KALRN: variants seen among roughly 807,000 people sequenced by gnomAD.
KALRN encodes the protein kalirin.
KALRN carries 70 observed loss-of-function variants against 353.7 expected under a neutral mutation model. That is an observed-to-expected ratio of 0.20 (90% CI 0.16 to 0.24). KALRN has a LOEUF of 0.24. KALRN is among the 10% of genes least tolerant of loss of function. The pLI is 1.00. For synonymous variants in KALRN, 1,391 were observed against 1,434.8 expected, an observed-to-expected ratio of 0.97 and a Z score of 0.69; for missense variants, 2,791 against 3,756.7, an observed-to-expected ratio of 0.74 and a Z score of 6.72.
chr3:124,576,611 A>G (rs1026913946), intron 34 of KALRN, among the ~76,000 whole-genome samples: 2 of 152,156 alleles, frequency 1.3e-5, no homozygotes, highest in Non-Finnish European at 2.9e-5. Flanking sequence ...TCCACATTCC[A>G]TTATTGGCAG....
At chr3:124,324,513 C>G (rs1201558373) in intron 6 of KALRN, among the ~76,000 whole-genome samples, 1 of 152,110 alleles carries the variant, frequency 6.6e-6, no homozygotes, top group Non-Finnish European at 1.5e-5. Context: ...TTTCCCATAA[C>G]AAGAATCAGT....
chr3:124,537,905 C>T (rs1164934620), intron 33 of KALRN, among the ~76,000 whole-genome samples: 1 of 152,118 alleles, frequency 6.6e-6, no homozygotes, highest in African/African-American at 2.4e-5. Flanking sequence ...GTGAGCAAAT[C>T]TTCTGTTCAT....
chr3:124,373,411 G>A (rs1325646717), intron 10 of KALRN, among the ~76,000 whole-genome samples: 1 of 152,218 alleles, frequency 6.6e-6, no homozygotes, highest in Non-Finnish European at 1.5e-5. Context: ...ATTCTACAGT[G>A]CACAGGACAG....
intron 10 of KALRN, among the ~76,000 whole-genome samples, chr3:124,366,440 A>G (rs2084704309): frequency 6.7e-6 from 1 of 149,808 alleles, no homozygotes; most frequent in South Asian, 2.2e-4. Context: ...CATCTGTTTA[A>G]CAAAGCACAT....
intron 2 of KALRN, among the ~76,000 whole-genome samples, chr3:124,233,737 T>A (rs2079438976): frequency 1.3e-5 from 2 of 152,156 alleles, no homozygotes; most frequent in Non-Finnish European, 1.5e-5. Context: ...GATCCTTGTT[T>A]TCCAGTATTG....
At chr3:124,389,464 T>A (rs2088981155) in intron 11 of KALRN, among the ~76,000 whole-genome samples, 2 of 152,222 alleles carry the variant, frequency 1.3e-5, no homozygotes, top group Non-Finnish European at 2.9e-5. Context: ...AATTCAAGTC[T>A]GCTTAATCCT....
At chr3:124,558,110 T>C (rs1378264255) in intron 33 of KALRN, among the ~76,000 whole-genome samples, 2 of 152,028 alleles carry the variant, frequency 1.3e-5, no homozygotes, top group Non-Finnish European at 2.9e-5. Context: ...AGGGCAAAAC[T>C]CCATGAAGAT....
chr3:124,668,326 G>A (rs768341021), intron 47 of KALRN, among the ~76,000 whole-genome samples: 3 of 152,190 alleles, frequency 2.0e-5, no homozygotes, highest in African/African-American at 7.2e-5. Flanking sequence ...AAAGATAAAA[G>A]GTGCCATACG....
At chr3:124,512,762 T>C (rs2108857337) in intron 33 of KALRN, among the ~76,000 whole-genome samples, 1 of 152,326 alleles carries the variant, frequency 6.6e-6, no homozygotes, top group African/African-American at 2.4e-5. Context: ...CATACATACG[T>C]ATGTGCATGT....
At position 124,633,897 on chromosome 3, in the gene KALRN, A is replaced by T. The variant is rs1482338156; in HGVS notation, c.5512A>T (p.Thr1838Ser). 1.9e-6 allele frequency: 3 copies of T among 1,614,032 alleles called. No homozygotes were observed. The South Asian group carries it at 3.3e-5, about 18-fold the overall frequency. ...GEDEPDEESH[T>S]PLPPPMKIFD... ...AGATGAGCCGGATGAAGAGTCACAC[A>T]CACCCCTCCCACCACCTATGAAGAT... The change falls in exon 36 of 60, where the codon ACA (threonine) becomes TCA (serine). Residue 1838 changes from threonine to serine, a missense_variant. Thr to Ser is a moderately conservative substitution (Grantham distance 58). This residue lies in a region of KALRN where 1,065 missense variants were observed against 1,156.4 expected (regional missense o/e 0.92). Transcript: ENST00000682506.
intron 33 of KALRN, among the ~76,000 whole-genome samples, chr3:124,496,790 A>C (rs2063901414): frequency 6.6e-6 from 1 of 152,056 alleles, no homozygotes; most frequent in South Asian, 2.1e-4. Context: ...GTGTCCTGAG[A>C]CCTTAGTGGC....
At chr3:124,672,504 C>T (rs1353602497) in intron 48 of KALRN, among the ~76,000 whole-genome samples, 1 of 152,170 alleles carries the variant, frequency 6.6e-6, no homozygotes, top group Non-Finnish European at 1.5e-5. Context: ...TGATCTGCCT[C>T]GAGCACCTAC....
At chr3:124,453,169 G>T (rs2058967585) in intron 21 of KALRN, among the ~76,000 whole-genome samples, 1 of 152,170 alleles carries the variant, frequency 6.6e-6, no homozygotes, top group Non-Finnish European at 1.5e-5. Context: ...ATTTTGAATA[G>T]AATCTGCTAA....
chr3:124,252,691 C>CA (rs1475287533), intron 3 of KALRN, among the ~76,000 whole-genome samples: 2 of 152,170 alleles, frequency 1.3e-5, no homozygotes, highest in Non-Finnish European at 2.9e-5. Context: ...CAAACAACAA[C>CA]AAAAACCTCT....
intron 1 of KALRN, among the ~76,000 whole-genome samples, chr3:124,191,110 G>T (rs1248347503): frequency 6.6e-6 from 1 of 152,196 alleles, no homozygotes; most frequent in African/African-American, 2.4e-5. Flanking sequence ...TGGAAGAGAT[G>T]CACAGGGCAA....
chr3:124,597,039 C>A (rs759828458), intron 34 of KALRN, among the ~76,000 whole-genome samples: 23 of 151,136 alleles, frequency 1.5e-4, no homozygotes, highest in Non-Finnish European at 2.4e-4. Flanking sequence ...CAGAGCAAGA[C>A]TCTGTCTTAA....
intron 37 of KALRN, 111 bp downstream of exon 37, chr3:124,637,414 G>T: frequency 2.5e-6 from 2 of 804,220 alleles, no homozygotes; most frequent in Non-Finnish European, 4.3e-6. Flanking sequence ...CTTCCTATGT[G>T]ATTGCAGCTA....
At chr3:124,339,825 G>T (rs1282130110) in intron 9 of KALRN, among the ~76,000 whole-genome samples, 2 of 152,144 alleles carry the variant, frequency 1.3e-5, no homozygotes, top group African/African-American at 4.8e-5. Flanking sequence ...AAAACATCAA[G>T]CATCTTCTTG....
At chr3:124,079,913 C>A (rs1193444820) in intron 1 of KALRN, 2 of 309,016 alleles carry the variant, frequency 6.5e-6, no homozygotes. Flanking sequence ...TTTGCAGGAA[C>A]GTGTTTGTTT....
Sources: allele counts gnomAD v4.1 joint callset (sites outside exome capture counted in the v4.1 genomes callset), GRCh38; gene constraint gnomAD v4.1.1; regional missense constraint gnomAD v4.1.1; transcripts MANE v1.5; gene names NCBI Gene and HGNC (gene_info 2026-07-23, HGNC 2026-07-21).